The following TESMIN variants were observed in gnomAD, a reference collection of about 807,000 sequenced individuals.
TESMIN encodes the protein testis expressed metallothionein like protein.
In TESMIN, 34 loss-of-function variants were observed where a neutral mutation model predicts 47.4. That is an observed-to-expected ratio of 0.72 (90% CI 0.55 to 0.96). The LOEUF is 0.96. TESMIN is among the 40% of genes least tolerant of loss of function. The pLI is 0.00. For missense variants in TESMIN, 610 were observed against 637.2 expected (o/e 0.96, Z 0.46); for synonymous variants, 278 against 258.9 (o/e 1.07, Z -0.71).
At chr11:68,725,775 A>G (rs10896362) in intron 6 of TESMIN, among the ~76,000 whole-genome samples, 104,827 of 152,046 alleles carry the variant, frequency 0.69, 36,931 homozygotes, top group East Asian at 0.86. Flanking sequence ...GCCCAGCTCA[A>G]TGACATATAT....
intron 5 of TESMIN, among the ~76,000 whole-genome samples, chr11:68,739,991 C>T (rs1415030142): frequency 6.6e-6 from 1 of 152,170 alleles, no homozygotes; most frequent in Admixed American, 6.5e-5. Flanking sequence ...AAAGCAGAGA[C>T]ATCTCTTATG....
Position 68,707,685 on chromosome 11 carries a change from C to G in TESMIN, c.*623G>C, listed in dbSNP as rs914416095. On this transcript the variant is annotated 3_prime_UTR_variant, in exon 10 of 10. Coordinates refer to ENST00000255087, the MANE Select transcript of TESMIN (RefSeq NM_004923.3). The stretch of plus-strand genomic sequence containing the variant: ...TCCTCTAACTCAAGACATGCTGGTG[C>G]AAGCCTGGCCTGCGAGGCCCCATTG... The G allele has an allele frequency of 2.8e-6, 1 of 361,268 alleles. No homozygotes were observed. Among genetic ancestry groups the G allele is most frequent in the Non-Finnish European group, 5.8e-6 (1 of 173,500 alleles). 22.4% of individuals were successfully genotyped at this position (361,268 alleles called of 1,614,324 possible).
intron 8 of TESMIN, among the ~76,000 whole-genome samples, chr11:68,712,351 G>A (rs1012007360): frequency 6.6e-6 from 1 of 152,226 alleles, no homozygotes; most frequent in South Asian, 2.1e-4. Flanking sequence ...CCACATCCGA[G>A]CTGGGGAGTG....
rs184029172 is a variant in TESMIN, at chr11:68,745,164, T to C, written c.631-53A>G. ...CATTTTTGAAACATAATTCCAGTAA[T>C]AATGAACCTAAATAAACTTAAATCT... is the stretch of plus-strand genomic sequence containing the variant. On this transcript the variant is annotated intron_variant, in intron 3 of 9. Coordinates refer to ENST00000255087, the MANE Select transcript of TESMIN (RefSeq NM_004923.3). 18 of 1,516,828 alleles carry C rather than the reference T, an allele frequency of 1.2e-5. No homozygotes were observed. In the Admixed American group the frequency reaches 3.3e-4, roughly 27 times the overall value. The allele number at this position is 1,516,828 out of a possible 1,614,324, so 94.0% of individuals were successfully genotyped here. A position where few individuals can be genotyped will look rare whatever the true frequency, so the allele number is the denominator to read the frequency against.
chr11:68,726,565 T>C (rs1163015765), intron 6 of TESMIN, among the ~76,000 whole-genome samples: 3 of 152,196 alleles, frequency 2.0e-5, no homozygotes, highest in African/African-American at 4.8e-5. Context: ...GACTTTACTA[T>C]AGTTATGAGC....
Position 68,738,364 on chromosome 11 carries a change from A to G in TESMIN, c.917+336T>C. The G allele has an allele frequency of 2.9e-6, 3 of 1,022,324 alleles. No homozygotes were observed. In the South Asian group the frequency reaches 1.1e-4, roughly 38 times the overall value. The allele number at this position is 1,022,324 out of a possible 1,614,324, so 63.3% of individuals were successfully genotyped here. ...CCATTATTTCCACGGACGACAGCAA[A>G]AAAGAGAGGCCAGTACAGTTTGAAT... On this transcript the variant is annotated intron_variant, in intron 6 of 9. Coordinates refer to ENST00000255087, the MANE Select transcript of TESMIN (RefSeq NM_004923.3).
intron 4 of TESMIN, among the ~76,000 whole-genome samples, chr11:68,744,535 G>T (rs539754827): frequency 1.3e-5 from 2 of 152,184 alleles, no homozygotes; most frequent in Non-Finnish European, 2.9e-5. Flanking sequence ...TGTTATTTCA[G>T]AACTCATGGT....
intron 6 of TESMIN, chr11:68,736,506 T>C: frequency 2.0e-6 from 2 of 985,430 alleles, no homozygotes; most frequent in Non-Finnish European, 2.4e-6. Flanking sequence ...GACTGCTTTC[T>C]TACCACCAAA....
chr11:68,724,570 G>C (rs1447788673), intron 6 of TESMIN, among the ~76,000 whole-genome samples: 3 of 152,208 alleles, frequency 2.0e-5, no homozygotes, highest in African/African-American at 7.2e-5. Context: ...GGCTATCAGT[G>C]GAAGTGATTA....
At chr11:68,745,230 G>A (rs958170308) in intron 3 of TESMIN, 119 bp from the exon 4 acceptor site, 1 of 763,128 alleles carries the variant, frequency 1.3e-6, no homozygotes, top group Non-Finnish European at 1.8e-6. Flanking sequence ...TTTAATGGAA[G>A]ATAGAAAACT....
chr11:68,709,444 C>T (rs1183439335), intron 9 of TESMIN, among the ~76,000 whole-genome samples: 1 of 152,196 alleles, frequency 6.6e-6, no homozygotes. Context: ...CAGCCTTCCC[C>T]ATCAATGCCG....
chr11:68,736,576 T>A, intron 6 of TESMIN: 5 of 985,420 alleles, frequency 5.1e-6, no homozygotes, highest in Non-Finnish European at 6.0e-6. Flanking sequence ...ATAAAAATCA[T>A]CAGGCCCAAT....
Position 68,738,734 on chromosome 11 carries a change from T to G in TESMIN, c.883A>C (p.Thr295Pro), listed in dbSNP as rs551598025. The G allele has an allele frequency of 1.7e-5, 28 of 1,614,040 alleles. No homozygotes were observed. In the African/African-American group the frequency reaches 2.9e-4, roughly 17 times the overall value. ...GTTATTTTTGGTGGTCCTGGAAGAG[T>G]TGATCCCGAGGGGAAAGCAGACCCG... ...VNGSAFPSGS[T>P]LPGPPKITLA... The change falls in exon 6 of 10, where the codon ACT becomes CCT. Residue 295 changes from threonine to proline, a missense_variant. Transcript: ENST00000255087.
intron 6 of TESMIN, among the ~76,000 whole-genome samples, chr11:68,727,585 TG>T (rs1186016717): frequency 1.3e-5 from 2 of 152,232 alleles, no homozygotes; most frequent in East Asian, 3.9e-4. Flanking sequence ...ATGAAATAAT[TG>T]TCCAAAAATG....
At position 68,713,509 on chromosome 11, in the gene TESMIN, C is replaced by T. The variant is rs908230057; in HGVS notation, c.1021-102G>A. On this transcript the variant is annotated intron_variant, in intron 7 of 9. Transcript: ENST00000255087. ...AATCTGATTGTTGTAAAAGATGCCA[C>T]AATAAACAGAGTCTCTTGACATGGT... 21 of 1,340,236 alleles carry T rather than the reference C, an allele frequency of 1.6e-5. No homozygotes were observed. In the Admixed American group the frequency reaches 4.0e-4, roughly 26 times the overall value. The allele number at this position is 1,340,236 out of a possible 1,614,324, so 83.0% of individuals were successfully genotyped here. A position where few individuals can be genotyped will look rare whatever the true frequency, so the allele number is the denominator to read the frequency against.
In TESMIN at chr11:68,736,938, T is replaced by C. The variant is rs1249535696; in HGVS notation, c.917+1762A>G. The C allele has an allele frequency of 1.2e-5, 12 of 985,194 alleles. No homozygotes were observed. The East Asian group carries it at 5.7e-4, about 47-fold the overall frequency. 61.0% of individuals were successfully genotyped at this position (985,194 alleles called of 1,614,324 possible). Reference sequence around the variant, plus strand: ...GCAAATGCCCATCGGCTGCAACACATAGAAGCCTCAGAGGGTGCTGCAACT... The same window carrying C: ...GCAAATGCCCATCGGCTGCAACACACAGAAGCCTCAGAGGGTGCTGCAACT... On this transcript the variant is annotated intron_variant, in intron 6 of 9. Transcript: ENST00000255087.
chr11:68,728,846 T>C lies in TESMIN; in HGVS notation c.917+9854A>G, dbSNP rs191048169. Among the ~76,000 whole-genome samples the C allele has an allele frequency of 3.3e-3, 503 of 152,370 alleles. 7 individuals carry two copies. The highest frequency in any genetic ancestry group is 0.011 in the African/African-American group (476 of 41,590). ...AATGACAGCACATCTGTTTACAGCA[T>C]GATTTACTGAATATTTTAAGTCCAC... On this transcript the variant is annotated intron_variant, in intron 6 of 9. Coordinates refer to ENST00000255087, the MANE Select transcript of TESMIN (RefSeq NM_004923.3).
At chr11:68,722,530 A>C (rs1327488179) in intron 6 of TESMIN, among the ~76,000 whole-genome samples, 2 of 152,220 alleles carry the variant, frequency 1.3e-5, no homozygotes, top group Non-Finnish European at 2.9e-5. Context: ...ACTTCAAAAA[A>C]AAAAAGTTGT....
chr11:68,728,770 G>C (rs998348018), intron 6 of TESMIN, among the ~76,000 whole-genome samples: 5 of 152,242 alleles, frequency 3.3e-5, no homozygotes, highest in African/African-American at 1.2e-4. Flanking sequence ...CTTTAAGAAT[G>C]TTGCTAAAAC....
Sources: allele counts gnomAD v4.1 joint callset (sites outside exome capture counted in the v4.1 genomes callset), GRCh38; gene constraint gnomAD v4.1.1; transcripts MANE v1.5; gene names NCBI Gene and HGNC (gene_info 2026-07-23, HGNC 2026-07-21).